Variants in NTM observed in about 807,000 individuals in gnomAD.
NTM encodes the protein neurotrimin, also known as IgLON family member 2.
In NTM, 13 loss-of-function variants were observed where a neutral mutation model predicts 42.1. That is an observed-to-expected ratio of 0.31 (90% CI 0.20 to 0.49). The LOEUF is 0.49. Among genes scored for constraint, NTM ranks in the 20% least tolerant of loss-of-function variants. NTM has a pLI of 0.99. For missense variants in NTM, 373 were observed against 452.8 expected (o/e 0.82, Z 1.60); for synonymous variants, 187 against 179.2 (o/e 1.04, Z -0.35).
rs71911433 is a variant in NTM at position 131,563,579 on chromosome 11, CTTTTTTT to C, written c.82+192708_82+192714del. ...ATTTCTCCTGTGACAGCTCCAGACA[CTTTTTTT>C]TTTTTTTTTTTTTTTTGGCTCAGCA... On this transcript the variant is annotated intron_variant, in intron 1 of 8. Coordinates refer to ENST00000683400, the MANE Select transcript of NTM (RefSeq NM_001352005.2). Among the ~76,000 whole-genome samples, 103 of 88,766 alleles carry C rather than the reference CTTTTTTT, an allele frequency of 1.2e-3. No homozygotes were observed. The South Asian group carries it at 0.018, about 15-fold the overall frequency. 58.2% of individuals were successfully genotyped at this position (88,766 alleles called of 152,430 possible).
intron 1 of NTM, among the ~76,000 whole-genome samples, chr11:131,520,029 T>C (rs189973638): frequency 6.6e-6 from 1 of 152,162 alleles, no homozygotes; most frequent in East Asian, 1.9e-4. Context: ...CAGGTCTTCA[T>C]AGGAGGCTGC....
intron 1 of NTM, among the ~76,000 whole-genome samples, chr11:131,470,754 A>G (rs1419101918): frequency 1.3e-5 from 2 of 152,180 alleles, no homozygotes; most frequent in Non-Finnish European, 2.9e-5. Context: ...ATTTGCATGC[A>G]GTGGGACTAT....
chr11:131,780,337 G>A (rs1179446488), intron 1 of NTM, among the ~76,000 whole-genome samples: 3 of 152,138 alleles, frequency 2.0e-5, no homozygotes, highest in Non-Finnish European at 2.9e-5. Flanking sequence ...AACGATAGAC[G>A]AGACGACCTC....
intron 2 of NTM, among the ~76,000 whole-genome samples, chr11:132,107,675 T>C (rs1024635634): frequency 6.6e-6 from 1 of 152,150 alleles, no homozygotes; most frequent in Non-Finnish European, 1.5e-5. Flanking sequence ...TGACTTTTAC[T>C]TTTTTTGAAT....
intron 1 of NTM, among the ~76,000 whole-genome samples, chr11:131,603,799 A>G (rs912106160): frequency 2.0e-5 from 3 of 152,152 alleles, no homozygotes; most frequent in Non-Finnish European, 2.9e-5. Flanking sequence ...GTCTTATGTG[A>G]CTTATTTCTT....
intron 2 of NTM, among the ~76,000 whole-genome samples, chr11:132,035,177 A>G (rs994942603): frequency 6.6e-6 from 1 of 152,174 alleles, no homozygotes; most frequent in Non-Finnish European, 1.5e-5. Flanking sequence ...ATTTTAATCT[A>G]TAAGAAGCTG....
chr11:131,918,443 A>AG (rs2056746506), intron 2 of NTM, among the ~76,000 whole-genome samples: 1 of 152,172 alleles, frequency 6.6e-6, no homozygotes, highest in South Asian at 2.1e-4. Context: ...GCAGTTTACC[A>AG]GAAGAACCTC....
chr11:131,976,948 G>A (rs988280681), intron 2 of NTM, among the ~76,000 whole-genome samples: 9 of 152,200 alleles, frequency 5.9e-5, no homozygotes, highest in Non-Finnish European at 1.2e-4. Context: ...ATCGGTGTGT[G>A]TGGGTAGTAC....
intron 2 of NTM, among the ~76,000 whole-genome samples, chr11:131,943,656 T>C (rs1467915806): frequency 2.0e-5 from 3 of 152,188 alleles, no homozygotes; most frequent in Non-Finnish European, 4.4e-5. Flanking sequence ...CTATCACTTT[T>C]CCCAGCTAGT....
intron 1 of NTM, among the ~76,000 whole-genome samples, chr11:131,499,997 T>G (rs1477100921): frequency 6.6e-6 from 1 of 152,232 alleles, no homozygotes; most frequent in Non-Finnish European, 1.5e-5. Context: ...GAGGGCTGTG[T>G]GTCACTGCAA....
chr11:131,970,595 C>T (rs772211201), intron 2 of NTM, among the ~76,000 whole-genome samples: 19 of 152,210 alleles, frequency 1.2e-4, no homozygotes, highest in East Asian at 1.9e-4. Context: ...GCAACACTTC[C>T]GCCTCGCTGC....
At chr11:131,663,610 C>T (rs1223942434) in intron 1 of NTM, 1 of 152,262 alleles carries the variant, frequency 6.6e-6, no homozygotes, top group Admixed American at 6.5e-5. Context: ...CCGCTTCTAG[C>T]AGAGATGGAA....
At chr11:131,793,698 C>T (rs2091226585) in intron 1 of NTM, among the ~76,000 whole-genome samples, 2 of 152,124 alleles carry the variant, frequency 1.3e-5, no homozygotes, top group Non-Finnish European at 2.9e-5. Context: ...GTCACGCTTC[C>T]CACCTCCCAC....
intron 3 of NTM, among the ~76,000 whole-genome samples, chr11:132,164,305 A>G (rs2074909520): frequency 6.6e-6 from 1 of 152,150 alleles, no homozygotes; most frequent in African/African-American, 2.4e-5. Context: ...TTGTTAGGTG[A>G]TAACATGAGA....
chr11:132,114,084 A>G (rs530179634), intron 2 of NTM, among the ~76,000 whole-genome samples: 4 of 152,314 alleles, frequency 2.6e-5, no homozygotes, highest in Admixed American at 2.0e-4. Flanking sequence ...TGGATTCTTT[A>G]AAAGGCGTCT....
At chr11:131,915,297 C>G (rs1291453116) in intron 2 of NTM, among the ~76,000 whole-genome samples, 1 of 152,176 alleles carries the variant, frequency 6.6e-6, no homozygotes, top group East Asian at 1.9e-4. Context: ...TCTCATTCCT[C>G]TGTGGCACTT....
chr11:131,978,214 G>C (rs972611938), intron 2 of NTM, among the ~76,000 whole-genome samples: 1 of 152,156 alleles, frequency 6.6e-6, no homozygotes, highest in African/African-American at 2.4e-5. Context: ...ACAATGGATG[G>C]AACAATAGCA....
intron 1 of NTM, among the ~76,000 whole-genome samples, chr11:131,714,332 G>A (rs1291054270): frequency 6.6e-6 from 1 of 152,048 alleles, no homozygotes; most frequent in Non-Finnish European, 1.5e-5. Flanking sequence ...GGGACTTCAG[G>A]CATGCACTAC....
intron 1 of NTM, among the ~76,000 whole-genome samples, chr11:131,745,267 C>T (rs35889250): frequency 0.15 from 23,335 of 152,112 alleles, 2,196 homozygotes; most frequent in East Asian, 0.31. Context: ...CTGTCCCCTA[C>T]ACAGGGAATG....
Sources: gnomAD v4.1 joint callset for allele counts (sites outside exome capture counted in the v4.1 genomes callset) on GRCh38, gnomAD v4.1.1 for gene constraint, MANE v1.5 for transcripts, NCBI Gene and HGNC (gene_info 2026-07-23, HGNC 2026-07-21) for gene names.